The following RERE variants were observed in gnomAD, a reference collection of about 807,000 sequenced individuals.
RERE encodes the protein arginine-glutamic acid dipeptide repeats protein.
In RERE, 40 loss-of-function variants were observed where a neutral mutation model predicts 146.1. That is an observed-to-expected ratio of 0.27 (90% CI 0.21 to 0.36). The LOEUF (loss-of-function observed/expected upper bound fraction) is 0.36, where lower values mean the gene tolerates loss of function less well. RERE is among the 10% of genes least tolerant of loss of function. RERE has a pLI of 1.00. For synonymous variants in RERE, 1,003 were observed against 866.0 expected (o/e 1.16, Z -2.78); for missense variants, 1,933 against 2,138.7 (o/e 0.90, Z 1.90).
At chr1:8,786,650 C>T in intron 1 of RERE, 1 of 773,786 alleles carries the variant, frequency 1.3e-6, no homozygotes, top group Admixed American at 1.7e-5. Flanking sequence ...CCATTGGCAC[C>T]TCTGGTCCTG....
At position 8,494,310 on chromosome 1, in the gene RERE, C is replaced by T. The variant is rs916331855; in HGVS notation, c.1104+753G>A. 8.9e-4 allele frequency among the ~76,000 whole-genome samples: 135 copies of T among 152,264 alleles called. 1 individual carries two copies. Among genetic ancestry groups the T allele is most frequent in the African/African-American group, 3.2e-3 (131 of 41,556 alleles). ...CCCTCCATGTGCTTTAAAATAAATA[C>T]ATGGTCTCAGAAACAGTGAAGTACA... On this transcript the variant is annotated intron_variant, in intron 10 of 22. Coordinates refer to ENST00000400908, the MANE Select transcript of RERE (RefSeq NM_001042681.2).
chr1:8,406,485 G>A (rs1643441130), intron 12 of RERE, among the ~76,000 whole-genome samples: 1 of 152,072 alleles, frequency 6.6e-6, no homozygotes, highest in Non-Finnish European at 1.5e-5. Flanking sequence ...GGTTCATGTG[G>A]GGGGAAAACC....
chr1:8,528,301 A>G (rs1645595070), intron 7 of RERE, among the ~76,000 whole-genome samples: 1 of 152,258 alleles, frequency 6.6e-6, no homozygotes. Context: ...GGGATATTAA[A>G]GAGACACAAC....
chr1:8,680,630 T>A (rs759097045), intron 1 of RERE, among the ~76,000 whole-genome samples: 1 of 152,156 alleles, frequency 6.6e-6, no homozygotes, highest in Non-Finnish European at 1.5e-5. Flanking sequence ...GAATCAGAAC[T>A]GTGGGCTTCA....
At chr1:8,386,696 A>C (rs1033737341) in intron 12 of RERE, among the ~76,000 whole-genome samples, 1 of 152,070 alleles carries the variant, frequency 6.6e-6, no homozygotes, top group African/African-American at 2.4e-5. Context: ...TATGATTAGT[A>C]ACCAGGGAAA....
chr1:8,688,655 G>A (rs1199957813), intron 1 of RERE, among the ~76,000 whole-genome samples: 2 of 152,314 alleles, frequency 1.3e-5, no homozygotes, highest in South Asian at 4.1e-4. Flanking sequence ...TAAGGTGGGA[G>A]GATAACTTGA....
intron 11 of RERE, among the ~76,000 whole-genome samples, chr1:8,449,958 C>CT (rs560896323): frequency 3.9e-5 from 6 of 152,210 alleles, no homozygotes; most frequent in Non-Finnish European, 8.8e-5. Flanking sequence ...TTCTACCCTA[C>CT]TCAGTCTGTG....
At chr1:8,812,144 A>G (rs904800038) in intron 1 of RERE, among the ~76,000 whole-genome samples, 1 of 152,214 alleles carries the variant, frequency 6.6e-6, no homozygotes, top group African/African-American at 2.4e-5. Context: ...AGTCCTTAAA[A>G]GTCATGTATA....
At chr1:8,786,323 A>C in intron 1 of RERE, 1 of 873,806 alleles carries the variant, frequency 1.1e-6, no homozygotes, top group South Asian at 1.3e-5. Flanking sequence ...GGCCACAGGA[A>C]GTTATTTGCT....
chr1:8,522,025 T>A (rs974415510), intron 7 of RERE, among the ~76,000 whole-genome samples: 7 of 152,246 alleles, frequency 4.6e-5, no homozygotes, highest in African/African-American at 1.7e-4. Context: ...ACTCAAAGTA[T>A]CATAGAGTAT....
chr1:8,588,780 C>T (rs1355165881), intron 4 of RERE, among the ~76,000 whole-genome samples: 1 of 152,214 alleles, frequency 6.6e-6, no homozygotes, highest in Non-Finnish European at 1.5e-5. Flanking sequence ...CTTTGGACAT[C>T]TTCCATAGTG....
intron 4 of RERE, among the ~76,000 whole-genome samples, chr1:8,608,399 G>A (rs567754220): frequency 6.6e-6 from 1 of 152,224 alleles, no homozygotes; most frequent in Admixed American, 6.5e-5. Context: ...AGCTACATGA[G>A]AAGCTGAGAA....
intron 1 of RERE, chr1:8,786,537 C>A: frequency 1.3e-6 from 1 of 781,048 alleles, no homozygotes; most frequent in South Asian, 1.3e-5. Context: ...GCTCTACAAT[C>A]CTCAGCATGT....
chr1:8,360,215 G>A lies in RERE; in HGVS notation c.3292C>T (p.Leu1098=). 1 of 1,591,310 alleles carries A rather than the reference G, an allele frequency of 6.3e-7. No individual in the cohort carries two copies. The highest frequency in any genetic ancestry group is 8.5e-7 in the Non-Finnish European group (1 of 1,169,934). ...CTCTCAGGCTCCTCAGCGTCGTCCA[G>A]AGCCTCCTCCTTGATCTGGACGGTG... is the stretch of plus-strand genomic sequence containing the variant. ...LPTVQIKEEA[L]DDAEEPESPP... The change falls in exon 18 of 23, where the codon CTG becomes TTG. Residue 1098 remains leucine, a synonymous_variant. Transcript: ENST00000400908.
chr1:8,591,521 TATATAGCC>T (rs1646493833), intron 4 of RERE, among the ~76,000 whole-genome samples: 1 of 152,010 alleles, frequency 6.6e-6, no homozygotes, highest in African/African-American at 2.4e-5. Flanking sequence ...GCAAACTGTC[TATATAGCC>T]ACCTAATGAA....
At position 8,361,037 on chromosome 1, in the gene RERE, G is replaced by T. The variant is rs1185422922; in HGVS notation, c.2470C>A (p.Pro824Thr). Residue 824 changes from proline (P) to threonine (T), a missense_variant, in exon 18 of 23, where the codon CCC becomes ACC. Transcript: ENST00000400908. Reference sequence around the variant, plus strand: ...GACCCAGTCAGAGGCTGCAGCGGGGGATGTGGCGAGGGATGCGGCGGGGGA... The same window carrying T: ...GACCCAGTCAGAGGCTGCAGCGGGGTATGTGGCGAGGGATGCGGCGGGGGA... Reference protein sequence around the residue: ...PHPPPHPSPHPPLQPLTGSAG... With the variant: ...PHPPPHPSPHTPLQPLTGSAG... 3.5e-6 allele frequency: 5 copies of T among 1,438,678 alleles called. No homozygotes were observed. Among genetic ancestry groups the T allele is most frequent in the Non-Finnish European group, 3.6e-6 (4 of 1,101,676 alleles). 89.1% of individuals were successfully genotyped at this position (1,438,678 alleles called of 1,614,324 possible). A position where few individuals can be genotyped will look rare whatever the true frequency, so the allele number is the denominator to read the frequency against.
chr1:8,447,058 C>A (rs1305851622), intron 11 of RERE, among the ~76,000 whole-genome samples: 2 of 151,418 alleles, frequency 1.3e-5, no homozygotes, highest in Non-Finnish European at 2.9e-5. Flanking sequence ...ATCTCTGATA[C>A]CCTTTCTTCT....
intron 10 of RERE, among the ~76,000 whole-genome samples, chr1:8,471,105 C>T (rs1644678391): frequency 6.6e-6 from 1 of 152,108 alleles, no homozygotes; most frequent in East Asian, 1.9e-4. Flanking sequence ...GTGTCAGCCA[C>T]AGCGCCCAGC....
intron 4 of RERE, among the ~76,000 whole-genome samples, chr1:8,584,906 A>C (rs1646408447): frequency 1.3e-5 from 2 of 152,160 alleles, no homozygotes; most frequent in Admixed American, 1.3e-4. Context: ...CCAGCACTTA[A>C]GGAGGCCAAG....
Sources: allele counts gnomAD v4.1 joint callset (sites outside exome capture counted in the v4.1 genomes callset), GRCh38; gene constraint gnomAD v4.1.1; transcripts MANE v1.5; gene names NCBI Gene and HGNC (gene_info 2026-07-23, HGNC 2026-07-21).